The following ARNT variants were observed in gnomAD, a reference collection of about 807,000 sequenced individuals.
ARNT encodes the protein aryl hydrocarbon receptor nuclear translocator, also known as class E basic helix-loop-helix protein 2.
Under a neutral mutation model 105.0 loss-of-function variants are expected in ARNT, and 30 were observed. That is an observed-to-expected ratio of 0.29 (90% CI 0.21 to 0.39). ARNT has a LOEUF of 0.39. Among genes scored for constraint, ARNT ranks in the 10% least tolerant of loss-of-function variants. The pLI is 1.00. For missense variants in ARNT, 748 were observed against 978.7 expected (o/e 0.76, Z 3.15); for synonymous variants, 304 against 344.0 (o/e 0.88, Z 1.29).
intron 2 of ARNT, among the ~76,000 whole-genome samples, chr1:150,857,969 A>G (rs1402447466): frequency 6.6e-6 from 1 of 152,228 alleles, no homozygotes; most frequent in Non-Finnish European, 1.5e-5. Flanking sequence ...CTTAGAAGAC[A>G]GCTATTCTAG....
intron 3 of ARNT, among the ~76,000 whole-genome samples, chr1:150,847,995 T>C (rs1662567636): frequency 6.6e-6 from 1 of 152,166 alleles, no homozygotes; most frequent in African/African-American, 2.4e-5. Context: ...ATTAACTGTA[T>C]GAAGCAATAT....
At chr1:150,848,722 G>C (rs979997839) in intron 3 of ARNT, among the ~76,000 whole-genome samples, 1 of 151,938 alleles carries the variant, frequency 6.6e-6, no homozygotes, top group African/African-American at 2.4e-5. Context: ...TGTACAGATG[G>C]AGTTTTGCCA....
chr1:150,842,417 C>A lies in ARNT; in HGVS notation c.272+7G>T. 6.2e-7 allele frequency: 1 copy of A among 1,612,044 alleles called. No homozygotes were observed. Among genetic ancestry groups the A allele is most frequent in the South Asian group, 1.1e-5 (1 of 90,808 alleles). ...CTTCATCATGCTAAAAGACACTGTT[C>A]TCCTACCTGGCAAGTCTCTCTTTAT... On this transcript the variant is annotated splice_region_variant and intron_variant, in intron 5 of 21. Transcript: ENST00000358595.
intron 4 of ARNT, among the ~76,000 whole-genome samples, chr1:150,845,475 G>A (rs1055013405): frequency 4.0e-5 from 6 of 151,852 alleles, no homozygotes; most frequent in African/African-American, 1.5e-4. Flanking sequence ...AGGCATGGTG[G>A]CAAATGCCCA....
intron 1 of ARNT, among the ~76,000 whole-genome samples, chr1:150,868,840 G>A (rs991048553): frequency 1.4e-4 from 22 of 152,018 alleles, no homozygotes; most frequent in African/African-American, 4.8e-4. Context: ...AGAGGTTGCA[G>A]TGAGCCGAGA....
Position 150,836,405 on chromosome 1 carries a change from G to A in ARNT, c.575C>T (p.Ser192Phe). The change falls in exon 7 of 22, where the codon TCC becomes TTC. Residue 192 changes from serine (S) to phenylalanine (F), a missense_variant. Coordinates refer to ENST00000358595, the MANE Select transcript of ARNT (RefSeq NM_001668.4). ...ETGRVVYVSDSVTPVLNQPQS... is the reference protein window; with the variant it reads ...ETGRVVYVSDFVTPVLNQPQS... ...TGGCTGGTTCAAAACAGGAGTCACGGAGTCAGACACATACACCACCCTGCC... is the reference window on the plus strand; with the variant it reads ...TGGCTGGTTCAAAACAGGAGTCACGAAGTCAGACACATACACCACCCTGCC... The A allele has an allele frequency of 6.2e-7, 1 of 1,614,128 alleles. No homozygotes were observed. The highest frequency in any genetic ancestry group is 1.1e-5 in the South Asian group (1 of 91,086).
chr1:150,829,502 A>G (rs940148509), intron 11 of ARNT: 2 of 598,018 alleles, frequency 3.3e-6, no homozygotes, highest in Non-Finnish European at 6.1e-6. Flanking sequence ...TGCTGAACTC[A>G]TTACTCAGGT....
At chr1:150,871,364 G>A (rs777674864) in intron 1 of ARNT, among the ~76,000 whole-genome samples, 6 of 141,090 alleles carry the variant, frequency 4.3e-5, no homozygotes, top group Non-Finnish European at 7.5e-5. Context: ...GCAGTGGTAC[G>A]ATCTCAGCTC....
intron 14 of ARNT, among the ~76,000 whole-genome samples, chr1:150,820,401 G>A (rs974226109): frequency 3.9e-5 from 6 of 152,298 alleles, no homozygotes; most frequent in Non-Finnish European, 8.8e-5. Context: ...AGTGGCTTAC[G>A]CCTGTGATCC....
rs1360965990 is a variant in ARNT at position 150,818,022 on chromosome 1, C to G, written c.1403G>C (p.Ser468Thr). The G allele has an allele frequency of 6.2e-7, 1 of 1,605,324 alleles. No individual in the cohort carries two copies. Among genetic ancestry groups the G allele is most frequent in the Non-Finnish European group, 8.5e-7 (1 of 1,177,014 alleles). Residue 468 changes from serine (S) to threonine (T), a missense_variant, in exon 15 of 22, where the codon AGC (serine) becomes ACC (threonine). This residue lies in a region of ARNT where 360 missense variants were observed against 411.9 expected (regional missense o/e 0.87). Transcript: ENST00000358595. ...ICTNTNVKNSSQEPRPTLSNT... is the reference protein window; with the variant it reads ...ICTNTNVKNSTQEPRPTLSNT... ...GGAGAGTGTAGGCCGTGGTTCTTGGCTAGAGTTCCTAGGAAACCAGAGTAG... is the reference window on the plus strand; with the variant it reads ...GGAGAGTGTAGGCCGTGGTTCTTGGGTAGAGTTCCTAGGAAACCAGAGTAG...
intron 1 of ARNT, among the ~76,000 whole-genome samples, chr1:150,866,564 G>T (rs1289752243): frequency 1.3e-5 from 2 of 151,942 alleles, no homozygotes; most frequent in Non-Finnish European, 2.9e-5. Context: ...TGAGAGAAAG[G>T]GAGCAGAGGA....
intron 1 of ARNT, among the ~76,000 whole-genome samples, chr1:150,867,753 G>A (rs960613223): frequency 6.6e-6 from 1 of 151,988 alleles, no homozygotes; most frequent in Non-Finnish European, 1.5e-5. Flanking sequence ...GGTTTCCAAA[G>A]GTTTAGCACC....
intron 11 of ARNT, 174 bp from the exon 12 acceptor site, chr1:150,829,401 A>G: frequency 1.5e-6 from 1 of 648,618 alleles, no homozygotes; most frequent in Non-Finnish European, 2.7e-6. Context: ...GACAAGGCAT[A>G]AGGTCTAGCT....
chr1:150,823,484 A>G, intron 13 of ARNT, 139 bp from the exon 14 acceptor site: 1 of 732,978 alleles, frequency 1.4e-6, no homozygotes, highest in Non-Finnish European at 2.1e-6. Flanking sequence ...ATTAAAACAA[A>G]ATGAGAGTAA....
At chr1:150,847,055 C>A (rs984371735) in intron 3 of ARNT, among the ~76,000 whole-genome samples, 5 of 152,094 alleles carry the variant, frequency 3.3e-5, no homozygotes, top group Non-Finnish European at 7.3e-5. Flanking sequence ...TTATCTATTG[C>A]GCAAAATGGG....
chr1:150,857,340 G>C (rs1236880067), intron 2 of ARNT, among the ~76,000 whole-genome samples: 7 of 152,126 alleles, frequency 4.6e-5, no homozygotes, highest in Non-Finnish European at 2.9e-5. Context: ...AGTGTTTAAA[G>C]AGTAAGCTAC....
chr1:150,852,658 T>C, intron 3 of ARNT, 104 bp downstream of exon 3: 1 of 969,968 alleles, frequency 1.0e-6, no homozygotes, highest in Non-Finnish European at 1.6e-6. Context: ...TAGGATGAAG[T>C]ACTCTCCTTA....
At chr1:150,839,380 G>A (rs587672376) in intron 6 of ARNT, 61 bp downstream of exon 6, 23 of 1,572,918 alleles carry the variant, frequency 1.5e-5, no homozygotes, top group Admixed American at 1.5e-4. Flanking sequence ...TCCAAAAAAC[G>A]AAAACTTTCA....
At chr1:150,826,101 C>A (rs10305720) in intron 13 of ARNT, among the ~76,000 whole-genome samples, 1 of 151,660 alleles carries the variant, frequency 6.6e-6, no homozygotes, top group Non-Finnish European at 1.5e-5. Flanking sequence ...TTTTAGTAGA[C>A]ATGGGGTTTC....
Sources: gnomAD v4.1 joint callset for allele counts (sites outside exome capture counted in the v4.1 genomes callset) on GRCh38, gnomAD v4.1.1 for gene constraint, gnomAD v4.1.1 regional missense constraint, MANE v1.5 for transcripts, NCBI Gene and HGNC (gene_info 2026-07-23, HGNC 2026-07-21) for gene names.